The following KCNIP4 variants were observed in gnomAD, a reference collection of about 807,000 sequenced individuals.
The protein encoded by KCNIP4 is potassium voltage-gated channel interacting protein 4, also known as Kv channel-interacting protein 4.
In KCNIP4, 12 loss-of-function variants were observed where a neutral mutation model predicts 34.0. That is an observed-to-expected ratio of 0.35 (90% CI 0.23 to 0.57). The LOEUF is 0.57. Ranked by LOEUF, KCNIP4 falls within the 20% of genes least tolerant of loss-of-function variation. KCNIP4 has a pLI of 0.83. For missense variants in KCNIP4, 238 were observed against 311.7 expected (o/e 0.76, Z 1.78); for synonymous variants, 124 against 102.2 (o/e 1.21, Z -1.29).
intron 1 of KCNIP4, among the ~76,000 whole-genome samples, chr4:21,923,127 T>A (rs891282538): frequency 6.6e-6 from 1 of 152,138 alleles, no homozygotes; most frequent in African/African-American, 2.4e-5. Context: ...GCACCCTCTG[T>A]CATCACCCAC....
intron 1 of KCNIP4, among the ~76,000 whole-genome samples, chr4:21,902,346 G>T (rs1240956741): frequency 6.6e-6 from 1 of 152,050 alleles, no homozygotes; most frequent in Non-Finnish European, 1.5e-5. Flanking sequence ...TTAAATATTT[G>T]AAGTTTTGTC....
intron 1 of KCNIP4, among the ~76,000 whole-genome samples, chr4:21,088,360 T>C (rs1746660201): frequency 6.6e-6 from 1 of 152,194 alleles, no homozygotes; most frequent in South Asian, 2.1e-4. Flanking sequence ...ATATCTCTTA[T>C]ATTTGTTCAA....
intron 1 of KCNIP4, among the ~76,000 whole-genome samples, chr4:21,690,092 A>G (rs1751146946): frequency 6.8e-6 from 1 of 147,806 alleles, no homozygotes; most frequent in African/African-American, 2.5e-5. Context: ...AAATATACAT[A>G]TATATGTATA....
intron 3 of KCNIP4, among the ~76,000 whole-genome samples, chr4:20,815,382 T>C (rs1403720045): frequency 6.6e-6 from 1 of 152,244 alleles, no homozygotes; most frequent in Admixed American, 6.5e-5. Flanking sequence ...GGGAAGGAAT[T>C]GTCTCAGCCT....
intron 1 of KCNIP4, among the ~76,000 whole-genome samples, chr4:21,385,313 G>C (rs111282490): frequency 1.3e-5 from 2 of 152,164 alleles, no homozygotes; most frequent in Non-Finnish European, 2.9e-5. Context: ...AGAACCACCA[G>C]CAGGAGGTGG....
At chr4:21,369,006 C>T (rs1209593480) in intron 1 of KCNIP4, among the ~76,000 whole-genome samples, 1 of 147,106 alleles carries the variant, frequency 6.8e-6, no homozygotes, top group African/African-American at 2.7e-5. Context: ...ATCCATCTAC[C>T]TATCCTTTCT....
intron 1 of KCNIP4, among the ~76,000 whole-genome samples, chr4:21,603,441 C>A (rs1367072842): frequency 6.6e-6 from 1 of 152,086 alleles, no homozygotes; most frequent in African/African-American, 2.4e-5. Flanking sequence ...TGTAAGACTT[C>A]AAATGCAAAG....
chr4:21,129,347 C>T (rs1278302462), intron 1 of KCNIP4, among the ~76,000 whole-genome samples: 1 of 152,186 alleles, frequency 6.6e-6, no homozygotes, highest in Admixed American at 6.5e-5. Flanking sequence ...CTATGTAGCA[C>T]TCAGGACAAA....
At chr4:21,584,596 T>C (rs1741475080) in intron 1 of KCNIP4, among the ~76,000 whole-genome samples, 1 of 152,032 alleles carries the variant, frequency 6.6e-6, no homozygotes, top group Admixed American at 6.6e-5. Flanking sequence ...TTACTAATCC[T>C]CAAAATAACC....
chr4:21,447,627 T>C (rs780494939), intron 1 of KCNIP4, among the ~76,000 whole-genome samples: 4 of 152,190 alleles, frequency 2.6e-5, no homozygotes, highest in Non-Finnish European at 5.9e-5. Context: ...AAGTTTAATT[T>C]ATAATTTAGG....
chr4:20,804,506 A>G (rs1246335600), intron 3 of KCNIP4, among the ~76,000 whole-genome samples: 2 of 152,150 alleles, frequency 1.3e-5, no homozygotes, highest in African/African-American at 2.4e-5. Flanking sequence ...TTCTAAAACC[A>G]CATATCTACA....
intron 1 of KCNIP4, among the ~76,000 whole-genome samples, chr4:21,869,937 A>G (rs1397611161): frequency 1.3e-5 from 2 of 152,188 alleles, no homozygotes; most frequent in Non-Finnish European, 2.9e-5. Flanking sequence ...ATTTAAATTT[A>G]ACACATGAAA....
In KCNIP4 at chr4:21,065,762, AT is replaced by A. The variant is rs3080755; in HGVS notation, c.62-183054del. Reference sequence around the variant, plus strand: ...TATATATATATATATATATATATATATATAACTCAATTTTATTTTAAAAAAT... The same window carrying A: ...TATATATATATATATATATATATATAATAACTCAATTTTATTTTAAAAAAT... On this transcript the variant is annotated intron_variant, in intron 1 of 8. Transcript: ENST00000382152. Among the ~76,000 whole-genome samples the A allele has an allele frequency of 1.6e-3, 188 of 120,314 alleles. 3 individuals carry two copies. Among genetic ancestry groups the A allele is most frequent in the Middle Eastern group, 4.1e-3 (1 of 244 alleles). The allele number at this position is 120,314 out of a possible 152,430, so 78.9% of individuals were successfully genotyped here.
intron 1 of KCNIP4, among the ~76,000 whole-genome samples, chr4:21,596,621 CA>C (rs1475232557): frequency 1.3e-5 from 2 of 152,110 alleles, no homozygotes; most frequent in Admixed American, 6.6e-5. Flanking sequence ...AGCTTGCCTC[CA>C]CCTGGCTTTG....
rs561288802 is a variant in KCNIP4 at position 20,729,906 on chromosome 4, A to G, written c.*176T>C. On this transcript the variant is annotated 3_prime_UTR_variant, in exon 9 of 9. Coordinates refer to ENST00000382152, the MANE Select transcript of KCNIP4 (RefSeq NM_025221.6). ...TCAGTGGCATTATGAAAAGGATGCA[A>G]ATTTATAACTGAAAGCTCAAATCTT... The G allele has an allele frequency of 2.5e-5, 16 of 643,476 alleles. No homozygotes were observed. The highest frequency in any genetic ancestry group is 1.3e-4 in the East Asian group (4 of 31,150). 39.9% of individuals were successfully genotyped at this position (643,476 alleles called of 1,614,324 possible). A position where few individuals can be genotyped will look rare whatever the true frequency, so the allele number is the denominator to read the frequency against.
chr4:20,861,420 T>G (rs1203206932), intron 2 of KCNIP4, among the ~76,000 whole-genome samples: 1 of 152,048 alleles, frequency 6.6e-6, no homozygotes, highest in East Asian at 1.9e-4. Flanking sequence ...TAGAGAGCAG[T>G]CAATCCATTT....
intron 1 of KCNIP4, among the ~76,000 whole-genome samples, chr4:21,578,987 T>C (rs1220779855): frequency 3.3e-5 from 5 of 152,222 alleles, no homozygotes; most frequent in African/African-American, 1.2e-4. Context: ...ACTCAACATT[T>C]GTTTCTGCTC....
chr4:21,873,031 T>C (rs1404100170), intron 1 of KCNIP4, among the ~76,000 whole-genome samples: 1 of 152,188 alleles, frequency 6.6e-6, no homozygotes, highest in Non-Finnish European at 1.5e-5. Context: ...ATATCATTAG[T>C]AAAAATCTTT....
intron 1 of KCNIP4, among the ~76,000 whole-genome samples, chr4:21,372,612 G>A (rs564859288): frequency 2.0e-5 from 3 of 146,904 alleles, no homozygotes; most frequent in Non-Finnish European, 4.4e-5. Context: ...TAAGGTGAAC[G>A]TGAGAAAAAT....
Sources: gnomAD v4.1 joint callset for allele counts (sites outside exome capture counted in the v4.1 genomes callset) on GRCh38, gnomAD v4.1.1 for gene constraint, MANE v1.5 for transcripts, NCBI Gene and HGNC (gene_info 2026-07-23, HGNC 2026-07-21) for gene names.